The following BBS2 variants were observed in gnomAD, a reference collection of about 807,000 sequenced individuals.
BBS2 encodes the protein BBSome complex member BBS2.
A neutral mutation model predicts 83.0 loss-of-function variants in BBS2; 62 were observed. The ratio of observed to expected loss-of-function variants is 0.75; its 90% confidence interval spans 0.61 to 0.92. BBS2 has a LOEUF of 0.92. Ranked by LOEUF, BBS2 falls within the 40% of genes least tolerant of loss-of-function variation. The pLI, the probability that BBS2 is intolerant of heterozygous loss-of-function variation, is 0.00. For missense variants in BBS2, 784 were observed against 901.0 expected (o/e 0.87, Z 1.66); for synonymous variants, 303 against 326.1 (o/e 0.93, Z 0.76).
rs576081735 is a variant in BBS2, at chr16:56,502,403, T to A, written c.994A>T (p.Ser332Cys). The part of the protein sequence containing the change: ...AEMRGNLMDT[S>C]AEQDLIRELS... ...TCTCGGATCAGGTCCTGCTCTGCAC[T>A]GGTGTCCATGAGGTTGCCCCTCATC... is the stretch of plus-strand genomic sequence containing the variant. Residue 332 changes from serine to cysteine, a missense_variant, in exon 9 of 17, where the codon AGT becomes TGT. Transcript: ENST00000245157. 6 of 1,614,122 alleles carry A rather than the reference T, an allele frequency of 3.7e-6. No individual in the cohort carries two copies. Among genetic ancestry groups the A allele is most frequent in the Non-Finnish European group, 5.1e-6 (6 of 1,180,050 alleles).
In BBS2 at chr16:56,477,565, C is replaced by T. The variant is rs1173716123; in HGVS notation, c.*1-6870G>A. On this transcript the variant is annotated intron_variant, in intron 17 of 17. Transcript: ENST00000682047. ...ACTAATTGCTTTTTATTTTAAGAGA[C>T]GGAATGCTAAAACCACATCAGAATG... 7 of 152,108 alleles carry T rather than the reference C, an allele frequency of 4.6e-5. No individual in the cohort carries two copies. In the East Asian group the frequency reaches 5.8e-4, roughly 13 times the overall value. The allele number at this position is 152,108 out of a possible 1,614,324, so 9.4% of individuals were successfully genotyped here. A position where few individuals can be genotyped will look rare whatever the true frequency, so the allele number is the denominator to read the frequency against.
At chr16:56,509,432 G>A (rs1964515988) in intron 5 of BBS2, 2 of 162,860 alleles carry the variant, frequency 1.2e-5, no homozygotes, top group African/African-American at 2.4e-5. Context: ...AACTTGGGAG[G>A]TGGAGCTTGC....
intron 7 of BBS2, among the ~76,000 whole-genome samples, chr16:56,504,179 T>C (rs1234062212): frequency 6.6e-6 from 1 of 152,210 alleles, no homozygotes; most frequent in South Asian, 2.1e-4. Context: ...CTGAAAATTA[T>C]GAATGCTAAA....
intron 17 of BBS2, among the ~76,000 whole-genome samples, chr16:56,475,840 AG>A (rs1489585564): frequency 2.2e-4 from 34 of 152,368 alleles, no homozygotes; most frequent in African/African-American, 8.2e-4. Flanking sequence ...TAAATGTAAT[AG>A]GTAAGTACCT....
At chr16:56,500,067 G>T in intron 11 of BBS2, 160 bp from the exon 12 acceptor site, 2 of 749,632 alleles carry the variant, frequency 2.7e-6, no homozygotes, top group Admixed American at 2.2e-5. Flanking sequence ...AAGTACTACA[G>T]TAATATATTA....
chr16:56,509,829 C>G, intron 5 of BBS2, 128 bp downstream of exon 5: 1 of 858,140 alleles, frequency 1.2e-6, no homozygotes, highest in Non-Finnish European at 2.0e-6. Flanking sequence ...TGTCTGACCC[C>G]CTCCCCAAGC....
chr16:56,499,988 A>G lies in BBS2; in HGVS notation c.1398-81T>C. ...AATGCAAGGCCCAGAAAATAAAGCC[A>G]CTTCTGGGTCATCAATTGATATTTA... On this transcript the variant is annotated intron_variant, in intron 11 of 16. Transcript: ENST00000245157. 2.6e-6 allele frequency: 4 copies of G among 1,543,086 alleles called. No homozygotes were observed. The South Asian group carries it at 4.5e-5, about 17-fold the overall frequency.
intron 15 of BBS2, 143 bp from the exon 16 acceptor site, chr16:56,485,881 T>C: frequency 1.3e-6 from 1 of 744,280 alleles, no homozygotes; most frequent in Non-Finnish European, 2.3e-6. Flanking sequence ...GCTAGTTTGC[T>C]TTGAAAATAC....
At chr16:56,498,386 G>C (rs1567572982) in intron 13 of BBS2, 51 bp downstream of exon 13, 17 of 1,602,456 alleles carry the variant, frequency 1.1e-5, no homozygotes, top group Non-Finnish European at 1.5e-5. Flanking sequence ...CTAAGTGTTT[G>C]AATAAATAAA....
At chr16:56,489,424 T>C (rs1963875750) in intron 15 of BBS2, among the ~76,000 whole-genome samples, 1 of 151,910 alleles carries the variant, frequency 6.6e-6, no homozygotes, top group South Asian at 2.1e-4. Flanking sequence ...AATCCAGAAA[T>C]AGATTCAACT....
downstream of BBS2, among the ~76,000 whole-genome samples, chr16:56,480,359 A>C (rs199943714): frequency 9.8e-5 from 14 of 142,860 alleles, no homozygotes; most frequent in Non-Finnish European, 1.7e-4. Context: ...ACACAAAAAA[A>C]AAAAAACAAA....
chr16:56,505,679 G>A (rs1242158669), intron 7 of BBS2, among the ~76,000 whole-genome samples: 3 of 152,164 alleles, frequency 2.0e-5, no homozygotes, highest in African/African-American at 7.2e-5. Flanking sequence ...TCTGGCTGAT[G>A]GATTCTCAGC....
At chr16:56,509,815 GCTCTGTCTGACCCC>G (rs1179396433) in intron 5 of BBS2, 128 bp downstream of exon 5, 47 of 757,500 alleles carry the variant, frequency 6.2e-5, no homozygotes, top group Non-Finnish European at 1.0e-4. Context: ...ATAACATACA[GCTCTGTCTGACCCC>G]CTCCCCAAGC....
At chr16:56,480,492 T>C (rs1963644798), downstream of BBS2, among the ~76,000 whole-genome samples, 1 of 152,034 alleles carries the variant, frequency 6.6e-6, no homozygotes, top group Admixed American at 6.6e-5. Context: ...CTCAACTCAC[T>C]GCAACCTCTG....
In BBS2 at chr16:56,511,131, A is replaced by G. The variant is rs1408885922; in HGVS notation, c.471+28T>C. On this transcript the variant is annotated intron_variant, in intron 3 of 16. Coordinates refer to ENST00000245157, the MANE Select transcript of BBS2 (RefSeq NM_031885.5). ...ATTAAAAGTAAAAATGCTTAAGGGTACCAAAAAGAATGTTTTCTTCTTCAT... is the reference window on the plus strand; with the variant it reads ...ATTAAAAGTAAAAATGCTTAAGGGTGCCAAAAAGAATGTTTTCTTCTTCAT... The G allele has an allele frequency of 3.7e-6, 6 of 1,613,706 alleles. No individual in the cohort carries two copies. The Admixed American group carries it at 6.7e-5, about 18-fold the overall frequency.
intron 17 of BBS2, chr16:56,477,402 G>C (rs1057113924): frequency 9.9e-5 from 15 of 152,164 alleles, no homozygotes; most frequent in Non-Finnish European, 2.9e-5. Context: ...AAAGAAGATA[G>C]GCTGCTTATT....
intron 11 of BBS2, 113 bp from the exon 12 acceptor site, chr16:56,500,020 T>A: frequency 7.4e-7 from 1 of 1,348,154 alleles, no homozygotes; most frequent in Non-Finnish European, 1.1e-6. Context: ...TTTAAGGGTT[T>A]CACTTAAGAA....
chr16:56,506,338 A>C (rs1484316842), intron 5 of BBS2, 114 bp from the exon 6 acceptor site: 5 of 811,248 alleles, frequency 6.2e-6, no homozygotes. Context: ...AATTAGATTT[A>C]AAAGCGCTTC....
In BBS2 at chr16:56,502,394, G is replaced by T; in HGVS notation, c.1003C>A (p.Gln335Lys). The change falls in exon 9 of 17, where the codon CAG becomes AAG. Residue 335 changes from glutamine (Q) to lysine (K), a missense_variant. By Grantham distance (53) the Gln-to-Lys change is moderately conservative. Coordinates refer to ENST00000245157, the MANE Select transcript of BBS2 (RefSeq NM_031885.5). Reference protein sequence around the residue: ...RGNLMDTSAEQDLIRELSQKK... With the variant: ...RGNLMDTSAEKDLIRELSQKK... ...TGACTCAGCTCTCGGATCAGGTCCT[G>T]CTCTGCACTGGTGTCCATGAGGTTG... The T allele has an allele frequency of 6.2e-7, 1 of 1,614,210 alleles. No individual in the cohort carries two copies. Among genetic ancestry groups the T allele is most frequent in the Non-Finnish European group, 8.5e-7 (1 of 1,180,042 alleles).
Sources: gnomAD v4.1 joint callset for allele counts (sites outside exome capture counted in the v4.1 genomes callset) on GRCh38, gnomAD v4.1.1 for gene constraint, MANE v1.5 for transcripts, NCBI Gene and HGNC (gene_info 2026-07-23, HGNC 2026-07-21) for gene names.